VPS13B: variants seen among roughly 807,000 people sequenced by gnomAD.
VPS13B encodes the protein vacuolar protein sorting 13 homolog B.
A neutral mutation model predicts 426.4 loss-of-function variants in VPS13B; 285 were observed. That is an observed-to-expected ratio of 0.67 (90% CI 0.61 to 0.74). The LOEUF (loss-of-function observed/expected upper bound fraction) is 0.74. Among genes scored for constraint, VPS13B ranks in the 30% least tolerant of loss-of-function variants. VPS13B has a pLI of 0.00. For missense variants in VPS13B, 4,537 were observed against 4,782.6 expected (o/e 0.95, Z 1.51); for synonymous variants, 1,676 against 1,676.4 (o/e 1.00, Z 0.01).
At chr8:99,713,208 A>G (rs1222558082) in intron 36 of VPS13B, among the ~76,000 whole-genome samples, 1 of 152,236 alleles carries the variant, frequency 6.6e-6, no homozygotes, top group Non-Finnish European at 1.5e-5. Context: ...GAAAGCCACT[A>G]TAGCGTGAGA....
chr8:99,410,240 A>G (rs1468445088), intron 21 of VPS13B, among the ~76,000 whole-genome samples: 1 of 152,196 alleles, frequency 6.6e-6, no homozygotes, highest in Non-Finnish European at 1.5e-5. Context: ...CTTCAGGATG[A>G]ACTTCATGTT....
chr8:99,584,150 C>T (rs1211338006), intron 33 of VPS13B, among the ~76,000 whole-genome samples: 1 of 152,064 alleles, frequency 6.6e-6, no homozygotes, highest in Non-Finnish European at 1.5e-5. Context: ...AAATCTAGGC[C>T]TGGAAAAGAT....
At position 99,528,542 on chromosome 8, in the gene VPS13B, CATA is replaced by C. The variant is rs796915132; in HGVS notation, c.4745+7538_4745+7540del. Reference sequence around the variant, plus strand: ...ATTGTAGTTCTGATAGATTCTGTATCATAATAATTGCATGCTTTGTCTACACCA... The same window carrying C: ...ATTGTAGTTCTGATAGATTCTGTATCATAATTGCATGCTTTGTCTACACCA... On this transcript the variant is annotated intron_variant, in intron 30 of 61. Transcript: ENST00000357162. 4.7e-4 allele frequency among the ~76,000 whole-genome samples: 72 copies of C among 152,172 alleles called. 1 individual carries two copies. The highest frequency in any genetic ancestry group is 1.7e-3 in the African/African-American group (70 of 41,556).
intron 2 of VPS13B, among the ~76,000 whole-genome samples, chr8:99,017,586 C>G (rs190242087): frequency 2.4e-4 from 36 of 150,802 alleles, no homozygotes; most frequent in African/African-American, 8.8e-4. Context: ...CCTCCACCTC[C>G]CTGTGGAGCA....
chr8:99,601,063 A>G (rs1827274938), intron 33 of VPS13B, among the ~76,000 whole-genome samples: 1 of 152,162 alleles, frequency 6.6e-6, no homozygotes, highest in Non-Finnish European at 1.5e-5. Context: ...GGTTTGTAAC[A>G]TAGGTATACA....
At position 99,870,838 on chromosome 8, in the gene VPS13B, A is replaced by C; in HGVS notation, c.11446A>C (p.Ser3816Arg). 1 of 1,614,216 alleles carries C rather than the reference A, an allele frequency of 6.2e-7. No individual in the cohort carries two copies. Among genetic ancestry groups the C allele is most frequent in the Non-Finnish European group, 8.5e-7 (1 of 1,180,032 alleles). Residue 3816 changes from serine (S) to arginine (R), a missense_variant, in exon 60 of 62, where the codon AGT becomes CGT. Transcript: ENST00000357162. ...SQLPKQRHQP[S>R]DLHADQAPNS... The stretch of plus-strand genomic sequence containing the variant: ...GCTTCCCAAACAGCGCCATCAGCCA[A>C]GTGATCTACATGCTGACCAGGCTCC...
intron 6 of VPS13B, among the ~76,000 whole-genome samples, chr8:99,113,633 C>T (rs1184184559): frequency 4.6e-5 from 7 of 152,080 alleles, no homozygotes; most frequent in African/African-American, 1.2e-4. Context: ...GGCATGATCT[C>T]GGCTCACTGC....
intron 33 of VPS13B, among the ~76,000 whole-genome samples, chr8:99,619,201 G>A (rs1361756120): frequency 6.6e-6 from 1 of 152,128 alleles, no homozygotes; most frequent in Non-Finnish European, 1.5e-5. Flanking sequence ...TTTAAGCAGT[G>A]CCATATCTGA....
chr8:99,628,671 G>T (rs1019863077), intron 33 of VPS13B, among the ~76,000 whole-genome samples: 6 of 152,104 alleles, frequency 3.9e-5, no homozygotes, highest in African/African-American at 1.2e-4. Context: ...AGCTATGAAA[G>T]AAATAAGGTT....
intron 55 of VPS13B, among the ~76,000 whole-genome samples, chr8:99,851,074 TA>T (rs1295695269): frequency 2.0e-5 from 3 of 152,206 alleles, no homozygotes; most frequent in Non-Finnish European, 2.9e-5. Context: ...AAAGTGTTCA[TA>T]AAAAATTAAT....
In VPS13B at chr8:99,641,848, A is replaced by T; in HGVS notation, c.5258A>T (p.Asp1753Val). The T allele has an allele frequency of 6.2e-7, 1 of 1,613,196 alleles. No homozygotes were observed. ...KQEQKKVDIFDGGMAETSSRY... is the reference protein window; with the variant it reads ...KQEQKKVDIFVGGMAETSSRY... Reference sequence around the variant, plus strand: ...GAACAGAAAAAAGTGGATATATTTGATGGAGGCATGGCTGAAACCTCATCT... The same window carrying T: ...GAACAGAAAAAAGTGGATATATTTGTTGGAGGCATGGCTGAAACCTCATCT... The change falls in exon 34 of 62, where the codon GAT becomes GTT. Residue 1753 changes from aspartate (D) to valine (V), a missense_variant. This residue lies in a region of VPS13B where 4,311 missense variants were observed against 4,474.3 expected (regional missense o/e 0.96). Coordinates refer to ENST00000357162, the MANE Select transcript of VPS13B (RefSeq NM_152564.5).
At chr8:99,148,078 TA>T in intron 14 of VPS13B, 68 bp downstream of exon 14, 1 of 1,487,808 alleles carries the variant, frequency 6.7e-7, no homozygotes, top group South Asian at 1.1e-5. Flanking sequence ...TTTTGTCATT[TA>T]CTGAAAGAAT....
At chr8:99,085,972 G>A (rs139413791) in intron 3 of VPS13B, among the ~76,000 whole-genome samples, 6,309 of 152,096 alleles carry the variant, frequency 0.041, 210 homozygotes, top group Non-Finnish European at 0.057. Flanking sequence ...TCTTTGTTGC[G>A]TTTTCTGTAT....
intron 23 of VPS13B, among the ~76,000 whole-genome samples, chr8:99,452,900 C>T (rs1275524487): frequency 6.6e-6 from 1 of 152,166 alleles, no homozygotes; most frequent in African/African-American, 2.4e-5. Context: ...CATTAGGGAG[C>T]ACTTGCAGTG....
intron 16 of VPS13B, among the ~76,000 whole-genome samples, chr8:99,192,463 G>T (rs373819957): frequency 2.6e-5 from 4 of 152,174 alleles, no homozygotes; most frequent in African/African-American, 9.7e-5. Flanking sequence ...CTAGTATAAT[G>T]ATAGTACCTC....
chr8:99,121,208 A>G lies in VPS13B; in HGVS notation c.969A>G (p.Gln323=), dbSNP rs1443301786. 4 of 1,613,890 alleles carry G rather than the reference A, an allele frequency of 2.5e-6. No individual in the cohort carries two copies. Among genetic ancestry groups the G allele is most frequent in the Non-Finnish European group, 3.4e-6 (4 of 1,179,954 alleles). The change falls in exon 8 of 62, where the codon CAA becomes CAG. Residue 323 remains glutamine, a synonymous_variant. Transcript: ENST00000357162. ...AAGATGAAACAAGAATAGATATGCA[A>G]TATCCTGCTCAGCATAAAGGTCAAG... The part of the protein sequence containing the change: ...GSEDETRIDM[Q]YPAQHKGQEL...
intron 17 of VPS13B, among the ~76,000 whole-genome samples, chr8:99,199,073 C>T (rs1341544077): frequency 1.3e-5 from 2 of 152,162 alleles, no homozygotes; most frequent in African/African-American, 4.8e-5. Flanking sequence ...TGCTTTACAA[C>T]TAGTTTTCAT....
intron 17 of VPS13B, among the ~76,000 whole-genome samples, chr8:99,241,794 A>AT: frequency 6.6e-6 from 1 of 152,318 alleles, no homozygotes; most frequent in African/African-American, 2.4e-5. Flanking sequence ...AAGAATAATG[A>AT]TTTGATCACT....
rs886062550 is a variant in VPS13B, at chr8:99,875,936, C to T, written c.*270C>T. 41 of 494,846 alleles carry T rather than the reference C, an allele frequency of 8.3e-5. No homozygotes were observed. The South Asian group carries it at 8.7e-4, about 10-fold the overall frequency. 30.7% of individuals were successfully genotyped at this position (494,846 alleles called of 1,614,324 possible). On this transcript the variant is annotated 3_prime_UTR_variant, in exon 62 of 62. Transcript: ENST00000357162. ...GGCCAACAGTTTCCTTATTTACATCCTTACCTCTAAAAGATACTTCAAAGT... is the reference window on the plus strand; with the variant it reads ...GGCCAACAGTTTCCTTATTTACATCTTTACCTCTAAAAGATACTTCAAAGT...
Sources: allele counts gnomAD v4.1 joint callset (sites outside exome capture counted in the v4.1 genomes callset), GRCh38; gene constraint gnomAD v4.1.1; regional missense constraint gnomAD v4.1.1; transcripts MANE v1.5; gene names NCBI Gene and HGNC (gene_info 2026-07-23, HGNC 2026-07-21).